Variants in CSMD1 observed in about 807,000 individuals in gnomAD.
CSMD1 encodes CUB and sushi domain-containing protein 1.
Under a neutral mutation model 417.5 loss-of-function variants are expected in CSMD1, and 213 were observed. The ratio of observed to expected loss-of-function variants is 0.51; its 90% CI spans 0.46 to 0.57. CSMD1 has a LOEUF of 0.57. Ranked by LOEUF, CSMD1 falls within the 20% of genes least tolerant of loss-of-function variation. CSMD1 has a pLI of 0.00. For synonymous variants in CSMD1, 2,862 were observed against 1,736.8 expected (o/e 1.65, Z -16.11); for missense variants, 6,923 against 4,529.7 (o/e 1.53, Z -15.17).
chr8:3,360,536 C>G (rs375324535), intron 20 of CSMD1, among the ~76,000 whole-genome samples: 1 of 152,248 alleles, frequency 6.6e-6, no homozygotes, highest in South Asian at 2.1e-4. Flanking sequence ...CAGATAGTAT[C>G]AAACAGTCAG....
At chr8:2,991,680 A>G (rs1224349566) in intron 54 of CSMD1, among the ~76,000 whole-genome samples, 1 of 152,252 alleles carries the variant, frequency 6.6e-6, no homozygotes, top group Non-Finnish European at 1.5e-5. Context: ...ATGCGAGTGA[A>G]TATGAGTCAC....
intron 8 of CSMD1, among the ~76,000 whole-genome samples, chr8:3,591,557 AG>A (rs1800845967): frequency 6.6e-6 from 1 of 152,194 alleles, no homozygotes; most frequent in Non-Finnish European, 1.5e-5. Context: ...GGGTTGACTT[AG>A]CTGTCCGCTG....
At chr8:3,690,660 G>C (rs949254182) in intron 7 of CSMD1, among the ~76,000 whole-genome samples, 4 of 152,144 alleles carry the variant, frequency 2.6e-5, no homozygotes, top group East Asian at 3.9e-4. Flanking sequence ...TTGTCCTTAG[G>C]GGCTGTGTGG....
chr8:4,695,959 A>G (rs1299700034), intron 1 of CSMD1, among the ~76,000 whole-genome samples: 1 of 152,184 alleles, frequency 6.6e-6, no homozygotes, highest in Non-Finnish European at 1.5e-5. Context: ...CTGTGGTTAG[A>G]GACTTGGGTT....
chr8:4,412,865 G>C (rs1014462909), intron 3 of CSMD1, among the ~76,000 whole-genome samples: 1 of 152,028 alleles, frequency 6.6e-6, no homozygotes, highest in African/African-American at 2.4e-5. Context: ...GCTCAAACAA[G>C]GAATTCAGAA....
chr8:4,208,098 C>G (rs907869678), intron 3 of CSMD1, among the ~76,000 whole-genome samples: 4 of 152,076 alleles, frequency 2.6e-5, no homozygotes, highest in Non-Finnish European at 4.4e-5. Context: ...AATGCAATAT[C>G]AGGACAAGCA....
chr8:3,266,265 G>T (rs552559724), intron 26 of CSMD1, among the ~76,000 whole-genome samples: 117 of 151,272 alleles, frequency 7.7e-4, no homozygotes, highest in African/African-American at 2.7e-3. Context: ...AAAGAGGGTT[G>T]TAAGGCGGAA....
chr8:3,734,236 G>C (rs563866525), intron 6 of CSMD1, among the ~76,000 whole-genome samples: 1 of 152,202 alleles, frequency 6.6e-6, no homozygotes, highest in Non-Finnish European at 1.5e-5. Flanking sequence ...GGAGCCTTCG[G>C]CTTCCTACTC....
intron 5 of CSMD1, among the ~76,000 whole-genome samples, chr8:3,846,770 T>C (rs987290619): frequency 2.0e-5 from 3 of 152,062 alleles, no homozygotes; most frequent in East Asian, 1.9e-4. Flanking sequence ...GCCTCTCTGG[T>C]TCTAGCGATT....
chr8:3,961,251 G>A (rs1214230559), intron 5 of CSMD1, among the ~76,000 whole-genome samples: 2 of 152,048 alleles, frequency 1.3e-5, no homozygotes, highest in African/African-American at 4.8e-5. Context: ...GAAGAAAAAA[G>A]GATTCTGAGT....
At chr8:4,451,951 A>G (rs975138011) in intron 2 of CSMD1, among the ~76,000 whole-genome samples, 2 of 148,520 alleles carry the variant, frequency 1.3e-5, no homozygotes, top group Admixed American at 6.7e-5. Context: ...TATTATATAT[A>G]ATATATAAAT....
chr8:4,116,371 C>T (rs540686300), intron 3 of CSMD1, among the ~76,000 whole-genome samples: 1 of 152,162 alleles, frequency 6.6e-6, no homozygotes, highest in Admixed American at 6.5e-5. Flanking sequence ...TACACTTGTC[C>T]AAACCCATGG....
intron 52 of CSMD1, among the ~76,000 whole-genome samples, chr8:3,013,816 A>G (rs1808607782): frequency 6.6e-6 from 1 of 152,202 alleles, no homozygotes; most frequent in South Asian, 2.1e-4. Flanking sequence ...CCACAAATGC[A>G]TAGCAATTCC....
At chr8:4,179,350 G>A (rs1798227722) in intron 3 of CSMD1, among the ~76,000 whole-genome samples, 1 of 152,118 alleles carries the variant, frequency 6.6e-6, no homozygotes, top group Non-Finnish European at 1.5e-5. Flanking sequence ...TTTAATAAAT[G>A]GTGCTGGGAA....
intron 12 of CSMD1, among the ~76,000 whole-genome samples, chr8:3,425,639 T>C (rs552265194): frequency 1.3e-5 from 2 of 151,204 alleles, no homozygotes; most frequent in South Asian, 2.1e-4. Flanking sequence ...GGAAATGCCC[T>C]GTCCCAGCAG....
chr8:3,548,934 C>G lies in CSMD1; in HGVS notation c.1344+26011G>C, dbSNP rs116685337. 3.0e-3 allele frequency among the ~76,000 whole-genome samples: 460 copies of G among 152,218 alleles called. 1 individual carries two copies. Among genetic ancestry groups the G allele is most frequent in the African/African-American group, 0.011 (443 of 41,538 alleles). ...GGTGGTCACACACACTAAGTTCTCGCGTGTTCCTGTGCCTGTCCTGTCTTA... is the reference window on the plus strand; with the variant it reads ...GGTGGTCACACACACTAAGTTCTCGGGTGTTCCTGTGCCTGTCCTGTCTTA... On this transcript the variant is annotated intron_variant, in intron 10 of 69. Coordinates refer to ENST00000635120, the MANE Select transcript of CSMD1 (RefSeq NM_033225.6).
rs141385064 is a variant in CSMD1, at chr8:3,015,422, T to G, written c.8029+3055A>C. 3.4e-3 allele frequency among the ~76,000 whole-genome samples: 509 copies of G among 151,778 alleles called. 2 individuals carry two copies. Among genetic ancestry groups the G allele is most frequent in the African/African-American group, 0.012 (476 of 41,112 alleles). On this transcript the variant is annotated intron_variant, in intron 52 of 69. Coordinates refer to ENST00000635120, the MANE Select transcript of CSMD1 (RefSeq NM_033225.6). Reference sequence around the variant, plus strand: ...TTTTTAAAGTCATAGTTTTGGGGGTTGTTTTGTTTTGTCAAGGGGTCATCA... The same window carrying G: ...TTTTTAAAGTCATAGTTTTGGGGGTGGTTTTGTTTTGTCAAGGGGTCATCA...
intron 25 of CSMD1, among the ~76,000 whole-genome samples, chr8:3,295,823 TA>T (rs1453493925): frequency 6.6e-6 from 1 of 152,218 alleles, no homozygotes; most frequent in African/African-American, 2.4e-5. Flanking sequence ...TGATCACTCA[TA>T]AAGTTGATCA....
At chr8:3,788,510 G>A (rs911790187) in intron 5 of CSMD1, among the ~76,000 whole-genome samples, 1 of 152,084 alleles carries the variant, frequency 6.6e-6, no homozygotes, top group Non-Finnish European at 1.5e-5. Context: ...AGGATCAATA[G>A]TTTCCTTCAT....
Sources: allele counts gnomAD v4.1 joint callset (sites outside exome capture counted in the v4.1 genomes callset), GRCh38; gene constraint gnomAD v4.1.1; transcripts MANE v1.5; gene names NCBI Gene and HGNC (gene_info 2026-07-23, HGNC 2026-07-21).